CCDC171: variants seen among roughly 807,000 people sequenced by gnomAD.
The protein encoded by CCDC171 is coiled-coil domain containing 171.
Under a neutral mutation model 168.2 loss-of-function variants are expected in CCDC171, and 177 were observed. That is an observed-to-expected ratio of 1.05 (90% CI 0.93 to 1.19). CCDC171 has a LOEUF of 1.19. CCDC171 is among the 50% of genes most tolerant of loss of function. CCDC171 has a pLI of 0.00. For missense variants in CCDC171, 1,991 were observed against 1,539.0 expected, an observed-to-expected ratio of 1.29 and a Z score of -4.91; for synonymous variants, 687 against 540.8, an observed-to-expected ratio of 1.27 and a Z score of -3.75.
intron 7 of CCDC171, among the ~76,000 whole-genome samples, chr9:15,642,341 GTGTA>G (rs1372127482): frequency 2.4e-3 from 98 of 40,932 alleles, no homozygotes; most frequent in African/African-American, 6.2e-3. Flanking sequence ...ACGTGTGTGT[GTGTA>G]TATATATATA....
chr9:15,555,106 T>C lies in CCDC171; in HGVS notation c.-112+1804T>C, dbSNP rs149391857. Among the ~76,000 whole-genome samples the C allele has an allele frequency of 5.5e-4, 84 of 152,264 alleles. 2 individuals are homozygous for C. In the East Asian group the frequency reaches 7.7e-3, roughly 14 times the overall value. ...AGTGGCTCCGAAATCTAAAGTAGAT[T>C]CGCCTTTCTGGCTGGCACCTCCTCT... On this transcript the variant is annotated intron_variant, in intron 1 of 25. Coordinates refer to ENST00000380701, the MANE Select transcript of CCDC171 (RefSeq NM_173550.4).
At chr9:15,877,947 A>G (rs983132739) in intron 24 of CCDC171, among the ~76,000 whole-genome samples, 1 of 152,192 alleles carries the variant, frequency 6.6e-6, no homozygotes, top group Non-Finnish European at 1.5e-5. Context: ...CAGTAACAAT[A>G]GCTAATATTT....
chr9:15,745,465 T>G lies in CCDC171; in HGVS notation c.2555-50T>G, dbSNP rs745687297. 20 of 1,202,482 alleles carry G rather than the reference T, an allele frequency of 1.7e-5. No homozygotes were observed. The Admixed American group carries it at 4.2e-4, about 25-fold the overall frequency. 74.5% of individuals were successfully genotyped at this position (1,202,482 alleles called of 1,614,324 possible). ...CACTGCTACGAATTTTAAATATAGA[T>G]TTTAATAAAGTTTTGTAGAATTTTA... On this transcript the variant is annotated intron_variant, in intron 17 of 25. Coordinates refer to ENST00000380701, the MANE Select transcript of CCDC171 (RefSeq NM_173550.4).
chr9:15,858,441 C>G (rs538572232), intron 23 of CCDC171, among the ~76,000 whole-genome samples: 2 of 152,124 alleles, frequency 1.3e-5, no homozygotes, highest in East Asian at 3.9e-4. Context: ...ATTGCTTTTT[C>G]TATTTCTGCA....
Position 15,858,783 on chromosome 9 carries a change from C to A in CCDC171, c.3468+9836C>A, listed in dbSNP as rs1205769065. Among the ~76,000 whole-genome samples, 3 of 151,940 alleles carry A rather than the reference C, an allele frequency of 2.0e-5. No individual in the cohort carries two copies. In the South Asian group the frequency reaches 6.2e-4, roughly 31 times the overall value. On this transcript the variant is annotated intron_variant, in intron 23 of 25. Coordinates refer to ENST00000380701, the MANE Select transcript of CCDC171 (RefSeq NM_173550.4). ...GGATGTTCCATACGTAAGGAATACT[C>A]ATCTATTCTAAAGGGGTTTCTATGT...
intron 24 of CCDC171, among the ~76,000 whole-genome samples, chr9:15,878,770 A>G (rs1818205183): frequency 6.6e-6 from 1 of 152,244 alleles, no homozygotes; most frequent in South Asian, 2.1e-4. Context: ...AATGTGGTAC[A>G]TATACACCAT....
intron 21 of CCDC171, among the ~76,000 whole-genome samples, chr9:15,808,742 T>G (rs1313117619): frequency 1.3e-5 from 2 of 152,116 alleles, no homozygotes; most frequent in Non-Finnish European, 2.9e-5. Flanking sequence ...AGGTCAGATT[T>G]TTTGATGGGC....
At chr9:15,765,017 T>C (rs1187290987) in intron 18 of CCDC171, among the ~76,000 whole-genome samples, 1 of 152,178 alleles carries the variant, frequency 6.6e-6, no homozygotes, top group East Asian at 1.9e-4. Context: ...ACCCTGATGG[T>C]AACCTTTAAG....
At chr9:16,021,891 T>C (rs113948552) in intron 4 of CCDC171, among the ~76,000 whole-genome samples, 2,642 of 152,214 alleles carry the variant, frequency 0.017, 75 homozygotes, top group African/African-American at 0.059. Context: ...TGCTGATGAG[T>C]GATGAGCATG....
intron 18 of CCDC171, among the ~76,000 whole-genome samples, chr9:15,762,823 T>G (rs1034721436): frequency 6.6e-6 from 1 of 152,216 alleles, no homozygotes; most frequent in African/African-American, 2.4e-5. Flanking sequence ...AGGCAACCAC[T>G]GGTGTCTTCT....
At chr9:15,680,996 C>G (rs1211127867) in intron 10 of CCDC171, among the ~76,000 whole-genome samples, 1 of 152,112 alleles carries the variant, frequency 6.6e-6, no homozygotes, top group Non-Finnish European at 1.5e-5. Context: ...TGGTTTAACT[C>G]ACCACAGAGC....
At chr9:15,565,800 A>T (rs1451411439) in intron 2 of CCDC171, among the ~76,000 whole-genome samples, 2 of 152,224 alleles carry the variant, frequency 1.3e-5, no homozygotes, top group Admixed American at 1.3e-4. Flanking sequence ...GGGTACTATG[A>T]ATAATGCTGC....
chr9:15,728,144 G>T, intron 15 of CCDC171, 108 bp downstream of exon 15: 1 of 858,334 alleles, frequency 1.2e-6, no homozygotes, highest in Middle Eastern at 3.3e-4. Flanking sequence ...AAAGAATTTG[G>T]ATGTTAATAA....
At chr9:15,919,961 A>AT (rs1440192451) in intron 24 of CCDC171, among the ~76,000 whole-genome samples, 1 of 151,638 alleles carries the variant, frequency 6.6e-6, no homozygotes, top group Non-Finnish European at 1.5e-5. Flanking sequence ...TACAACTTGA[A>AT]TTTAACTTTA....
intron 9 of CCDC171, among the ~76,000 whole-genome samples, chr9:15,668,547 A>T (rs1025883375): frequency 5.3e-5 from 8 of 152,178 alleles, no homozygotes; most frequent in Non-Finnish European, 1.2e-4. Flanking sequence ...AACTGTCATA[A>T]TAATACAAGT....
At chr9:15,887,958 A>C (rs1819654185) in intron 24 of CCDC171, 1 of 152,200 alleles carries the variant, frequency 6.6e-6, no homozygotes, top group Admixed American at 6.5e-5. Context: ...GGCTGAGCTG[A>C]GTATGAGAGA....
At chr9:15,780,527 A>T (rs1400513268) in intron 20 of CCDC171, among the ~76,000 whole-genome samples, 1 of 152,098 alleles carries the variant, frequency 6.6e-6, no homozygotes. Flanking sequence ...TAAAAAAAAA[A>T]TTATATTTAT....
intron 11 of CCDC171, among the ~76,000 whole-genome samples, chr9:15,713,807 A>G (rs1310297118): frequency 1.3e-5 from 2 of 151,780 alleles, no homozygotes; most frequent in East Asian, 1.9e-4. Flanking sequence ...AATTTAGTAG[A>G]GAATGAAGTG....
intron 11 of CCDC171, among the ~76,000 whole-genome samples, chr9:15,720,104 A>G (rs962685315): frequency 6.6e-6 from 1 of 150,526 alleles, no homozygotes; most frequent in African/African-American, 2.4e-5. Context: ...AAGAAAAACC[A>G]AGTTGTACCC....
Sources: allele counts gnomAD v4.1 joint callset (sites outside exome capture counted in the v4.1 genomes callset), GRCh38; gene constraint gnomAD v4.1.1; transcripts MANE v1.5; gene names NCBI Gene and HGNC (gene_info 2026-07-23, HGNC 2026-07-21).